The following SH3RF3 variants were observed in gnomAD, a reference collection of about 807,000 sequenced individuals.
SH3RF3 encodes SH3 domain containing ring finger 3, also known as E3 ubiquitin-protein ligase SH3RF3.
A neutral mutation model predicts 66.3 loss-of-function variants in SH3RF3; 29 were observed. The observed-to-expected ratio is 0.44, with a 90% CI of 0.33 to 0.60. The LOEUF is 0.60. SH3RF3 is among the 20% of genes least tolerant of loss of function. SH3RF3 has a pLI of 0.04. For synonymous variants in SH3RF3, 583 were observed against 532.0 expected, an observed-to-expected ratio of 1.10 and a Z score of -1.32; for missense variants, 1,194 against 1,190.9, an observed-to-expected ratio of 1.00 and a Z score of -0.04.
At chr2:109,194,332 C>T (rs1678442847) in intron 1 of SH3RF3, among the ~76,000 whole-genome samples, 1 of 152,216 alleles carries the variant, frequency 6.6e-6, no homozygotes, top group Non-Finnish European at 1.5e-5. Flanking sequence ...CTGCGGTGTC[C>T]CCAGCTGTGC....
intron 1 of SH3RF3, among the ~76,000 whole-genome samples, chr2:109,207,289 G>A (rs774666811): frequency 6.7e-6 from 1 of 149,444 alleles, no homozygotes; most frequent in Admixed American, 6.6e-5. Flanking sequence ...AGAGTAAGCT[G>A]TGTGTCTGAT....
intron 1 of SH3RF3, among the ~76,000 whole-genome samples, chr2:109,313,892 A>G (rs1574567452): frequency 1.5e-5 from 2 of 132,192 alleles, no homozygotes; most frequent in African/African-American, 7.1e-5. Flanking sequence ...GCAGTGGAGG[A>G]GATATTTGAA....
intron 2 of SH3RF3, among the ~76,000 whole-genome samples, chr2:109,355,764 G>A (rs932563850): frequency 7.2e-5 from 11 of 152,296 alleles, no homozygotes; most frequent in South Asian, 2.1e-4. Flanking sequence ...CATGCCATGC[G>A]GATCAGTCTT....
In SH3RF3 at chr2:109,501,582, A is replaced by C. The variant is rs751008699; in HGVS notation, c.2560A>C (p.Lys854Gln). The change falls in exon 10 of 10, where the codon AAG (lysine) becomes CAG (glutamine). Residue 854 changes from lysine to glutamine, a missense_variant. Transcript: ENST00000309415. ...GGAAGGCGACATCGTCTTTGTGCAC[A>C]AGAAGCGTGAGGACGGCTGGTACAA... ...LKEGDIVFVH[K>Q]KREDGWYKGT... is the part of the protein sequence containing the mutation. 1 of 779,822 alleles carries C rather than the reference A, an allele frequency of 1.3e-6. No homozygotes were observed. Among genetic ancestry groups the C allele is most frequent in the East Asian group, 2.4e-5 (1 of 41,200 alleles). The allele number at this position is 779,822 out of a possible 1,614,324, so 48.3% of individuals were successfully genotyped here. A position where few individuals can be genotyped will look rare whatever the true frequency, so the allele number is the denominator to read the frequency against.
intron 1 of SH3RF3, among the ~76,000 whole-genome samples, chr2:109,249,563 C>A (rs1294873445): frequency 7.4e-6 from 1 of 135,006 alleles, no homozygotes; most frequent in East Asian, 2.1e-4. Flanking sequence ...TTCCTTCCTT[C>A]CTTCCTTCCT....
At chr2:109,385,912 T>G (rs35154454) in intron 3 of SH3RF3, among the ~76,000 whole-genome samples, 71,745 of 151,534 alleles carry the variant, frequency 0.47, 17,030 homozygotes, top group Middle Eastern at 0.55. Context: ...CTTCTTCATA[T>G]TTCTTATTGG....
intron 1 of SH3RF3, among the ~76,000 whole-genome samples, chr2:109,259,655 A>G (rs1680305130): frequency 6.6e-6 from 1 of 152,246 alleles, no homozygotes; most frequent in African/African-American, 2.4e-5. Context: ...TGTAACTTGA[A>G]TTGTGATAAT....
chr2:109,142,532 C>T (rs56200954), intron 1 of SH3RF3, among the ~76,000 whole-genome samples: 2,215 of 152,260 alleles, frequency 0.015, 56 homozygotes, highest in African/African-American at 0.049. Flanking sequence ...TCCTGGGCTC[C>T]CCAGGGACAA....
Position 109,129,915 on chromosome 2 carries a change from C to G in SH3RF3, c.375C>G (p.Pro125=), listed in dbSNP as rs888659184. The change falls in exon 1 of 10, where the codon CCC becomes CCG. Residue 125 remains proline, a synonymous_variant. Transcript: ENST00000309415. ...TGCTGGACGGCATCCGTCAGCGGCCCCGCGCGGGCACCAGCCCCGGCGGCA... is the reference window on the plus strand; with the variant it reads ...TGCTGGACGGCATCCGTCAGCGGCCGCGCGCGGGCACCAGCCCCGGCGGCA... ...VRLLDGIRQR[P]RAGTSPGGSP... The G allele has an allele frequency of 1.3e-6, 2 of 1,502,418 alleles. No homozygotes were observed. Among genetic ancestry groups the G allele is most frequent in the Non-Finnish European group, 1.8e-6 (2 of 1,131,520 alleles). The allele number at this position is 1,502,418 out of a possible 1,614,324, so 93.1% of individuals were successfully genotyped here.
chr2:109,129,475 G>A lies in SH3RF3; in HGVS notation c.-66G>A. 1 of 1,494,512 alleles carries A rather than the reference G, an allele frequency of 6.7e-7. No homozygotes were observed. Among genetic ancestry groups the A allele is most frequent in the African/African-American group, 1.5e-5 (1 of 68,744 alleles). The allele number at this position is 1,494,512 out of a possible 1,614,324, so 92.6% of individuals were successfully genotyped here. A position where few individuals can be genotyped will look rare whatever the true frequency, so the allele number is the denominator to read the frequency against. On this transcript the variant is annotated 5_prime_UTR_variant, in exon 1 of 10. In the 5' UTR this introduces an upstream ATG that the reference lacks. Transcript: ENST00000309415. ...TCCCCAGTCCTGATGCTGGCTGCCG[G>A]TGGCGGGCTCCACGCCGGCCCCGGG...
chr2:109,379,987 C>A (rs1683477177), intron 3 of SH3RF3, among the ~76,000 whole-genome samples: 1 of 152,142 alleles, frequency 6.6e-6, no homozygotes, highest in African/African-American at 2.4e-5. Context: ...TTTCCCTTAC[C>A]TTTCAATTGG....
chr2:109,151,069 A>G (rs1677215569), intron 1 of SH3RF3, among the ~76,000 whole-genome samples: 1 of 152,244 alleles, frequency 6.6e-6, no homozygotes, highest in Non-Finnish European at 1.5e-5. Flanking sequence ...GCATCATTGC[A>G]CAAAAGCCAA....
At chr2:109,227,542 C>T (rs2105172156) in intron 1 of SH3RF3, among the ~76,000 whole-genome samples, 1 of 152,280 alleles carries the variant, frequency 6.6e-6, no homozygotes, top group East Asian at 1.9e-4. Flanking sequence ...CTGCCTGGGC[C>T]CTGCCCTTCA....
chr2:109,252,630 C>T (rs1055274062), intron 1 of SH3RF3, among the ~76,000 whole-genome samples: 53 of 152,188 alleles, frequency 3.5e-4, no homozygotes, highest in African/African-American at 1.1e-3. Context: ...TTGGAAGTAT[C>T]ATAAGTTGAA....
At chr2:109,407,367 A>C (rs1426344008) in intron 4 of SH3RF3, among the ~76,000 whole-genome samples, 1 of 152,238 alleles carries the variant, frequency 6.6e-6, no homozygotes, top group Non-Finnish European at 1.5e-5. Context: ...GTAAATGAGG[A>C]GAGTTCCTTA....
At chr2:109,288,082 C>T (rs1430956122) in intron 1 of SH3RF3, among the ~76,000 whole-genome samples, 1 of 152,226 alleles carries the variant, frequency 6.6e-6, no homozygotes, top group African/African-American at 2.4e-5. Flanking sequence ...TTAATATAGT[C>T]TCATGCCCTG....
intron 1 of SH3RF3, among the ~76,000 whole-genome samples, chr2:109,278,188 A>T (rs1385152233): frequency 1.3e-5 from 2 of 151,172 alleles, no homozygotes; most frequent in African/African-American, 4.9e-5. Context: ...AAAAAAAAAA[A>T]ATCAATTTCA....
At chr2:109,142,051 G>GA (rs911555269) in intron 1 of SH3RF3, among the ~76,000 whole-genome samples, 1 of 151,540 alleles carries the variant, frequency 6.6e-6, no homozygotes, top group Non-Finnish European at 1.5e-5. Flanking sequence ...CCTGGGGGGG[G>GA]GGTCTCAGGT....
chr2:109,493,912 C>T (rs1219183807), intron 9 of SH3RF3, among the ~76,000 whole-genome samples: 3 of 152,196 alleles, frequency 2.0e-5, no homozygotes, highest in Non-Finnish European at 4.4e-5. Context: ...CCTCCTCCTC[C>T]ACTTCCTCCA....
Sources: gnomAD v4.1 joint callset for allele counts (sites outside exome capture counted in the v4.1 genomes callset) on GRCh38, gnomAD v4.1.1 for gene constraint, MANE v1.5 for transcripts, NCBI Gene and HGNC (gene_info 2026-07-23, HGNC 2026-07-21) for gene names.